Variants in ST6GALNAC1 observed in about 807,000 individuals in gnomAD.
ST6GALNAC1 encodes the protein ST6 N-acetylgalactosaminide alpha-2,6-sialyltransferase 1.
ST6GALNAC1 carries 45 observed loss-of-function variants against 56.8 expected under a neutral mutation model. The observed-to-expected ratio is 0.79, with a 90% confidence interval of 0.62 to 1.02. The LOEUF is 1.02. ST6GALNAC1 is among the 50% of genes least tolerant of loss of function. The pLI is 0.00. For missense variants in ST6GALNAC1, 743 were observed against 754.8 expected (o/e 0.98, Z 0.18); for synonymous variants, 295 against 297.8 (o/e 0.99, Z 0.10).
At chr17:76,622,374 TTATTA>T, downstream of ST6GALNAC1, among the ~76,000 whole-genome samples, 1 of 152,000 alleles carries the variant, frequency 6.6e-6, no homozygotes, top group Non-Finnish European at 1.5e-5. Flanking sequence ...ATTATTATTA[TTATTA>T]TTTTGAGACA....
chr17:76,629,799 T>C, intron 1 of ST6GALNAC1, 88 bp from the exon 2 acceptor site: 1 of 1,052,002 alleles, frequency 9.5e-7, no homozygotes, highest in South Asian at 1.6e-5. Context: ...TTTTTTTTTT[T>C]TGAGACACAG....
chr17:76,625,256 C>T lies in ST6GALNAC1; in HGVS notation c.*74G>A. The T allele has an allele frequency of 6.6e-7, 1 of 1,513,848 alleles. No individual in the cohort carries two copies. Among genetic ancestry groups the T allele is most frequent in the Non-Finnish European group, 9.0e-7 (1 of 1,113,058 alleles). The allele number at this position is 1,513,848 out of a possible 1,614,324, so 93.8% of individuals were successfully genotyped here. A position where few individuals can be genotyped will look rare whatever the true frequency, so the allele number is the denominator to read the frequency against. On this transcript the variant is annotated 3_prime_UTR_variant, in exon 9 of 9. Transcript: ENST00000156626. Reference sequence around the variant, plus strand: ...CTTAGTCTGAGCCATGGGAAATGGCCAAAGAGTCTCAAGATTCCCACTGTA... The same window carrying T: ...CTTAGTCTGAGCCATGGGAAATGGCTAAAGAGTCTCAAGATTCCCACTGTA...
chr17:76,637,588 A>G (rs754233132), intron 1 of ST6GALNAC1: 1 of 398,404 alleles, frequency 2.5e-6, no homozygotes. Context: ...AAACCCAAAA[A>G]AAGTCTCTCA....
intron 1 of ST6GALNAC1, among the ~76,000 whole-genome samples, chr17:76,639,285 A>G (rs1396706994): frequency 6.6e-6 from 1 of 152,166 alleles, no homozygotes; most frequent in Non-Finnish European, 1.5e-5. Context: ...CAGACAAATA[A>G]GACAATGCCG....
downstream of ST6GALNAC1, among the ~76,000 whole-genome samples, chr17:76,624,603 A>G (rs1158182664): frequency 6.6e-6 from 1 of 152,162 alleles, no homozygotes; most frequent in African/African-American, 2.4e-5. Context: ...AATCCTGCAG[A>G]TAGAGCTCAA....
rs1456260489 is a variant in ST6GALNAC1 at position 76,629,618 on chromosome 17, G to A, written c.225C>T (p.Ile75=). The A allele has an allele frequency of 6.2e-7, 1 of 1,613,692 alleles. No homozygotes were observed. Among genetic ancestry groups the A allele is most frequent in the Non-Finnish European group, 8.5e-7 (1 of 1,179,738 alleles). Residue 75 remains isoleucine (I), a synonymous_variant, in exon 2 of 9, where the codon ATC becomes ATT. Transcript: ENST00000156626. ...TGTTCTCTGGCACTGGCTCTGCATAGATGGTTGTCCTCCTTGCCCTTGTGG... is the reference window on the plus strand; with the variant it reads ...TGTTCTCTGGCACTGGCTCTGCATAAATGGTTGTCCTCCTTGCCCTTGTGG... The part of the protein sequence containing the change: ...QAPTRARRTT[I]YAEPVPENNA...
chr17:76,626,531 G>A, intron 5 of ST6GALNAC1, 120 bp downstream of exon 5: 1 of 1,525,112 alleles, frequency 6.6e-7, no homozygotes, highest in Admixed American at 1.7e-5. Flanking sequence ...GCCCTTATAG[G>A]AGGGGAGCCT....
At chr17:76,633,096 C>T (rs1239457370) in intron 1 of ST6GALNAC1, among the ~76,000 whole-genome samples, 1 of 152,098 alleles carries the variant, frequency 6.6e-6, no homozygotes, top group African/African-American at 2.4e-5. Context: ...GTAATCCCAG[C>T]TATTCCGGAG....
intron 1 of ST6GALNAC1, among the ~76,000 whole-genome samples, chr17:76,632,564 T>C (rs1456654052): frequency 6.6e-6 from 1 of 152,220 alleles, no homozygotes; most frequent in African/African-American, 2.4e-5. Flanking sequence ...ATCCAGGTAG[T>C]GACAAAATTA....
rs549156744 is a variant in ST6GALNAC1, at chr17:76,630,659, C to T, written c.132-948G>A. The stretch of plus-strand genomic sequence containing the variant: ...GGAGTGCAGTGGCGCGATCTTGGCT[C>T]ACTGCACCCTCCATCTCCCTGGTTC... On this transcript the variant is annotated intron_variant, in intron 1 of 8. Transcript: ENST00000156626. Among the ~76,000 whole-genome samples the T allele has an allele frequency of 1.3e-4, 19 of 150,336 alleles. 1 individual carries two copies. In the South Asian group the frequency reaches 3.8e-3, roughly 30 times the overall value.
intron 1 of ST6GALNAC1, among the ~76,000 whole-genome samples, chr17:76,640,908 A>G (rs1437021607): frequency 6.6e-6 from 1 of 152,208 alleles, no homozygotes; most frequent in African/African-American, 2.4e-5. Context: ...GTAAGCAAAA[A>G]CTCAGATGTA....
Position 76,629,454 on chromosome 17 carries a change from T to G in ST6GALNAC1, c.389A>C (p.Glu130Ala). ...TGACAGTGTGTTCACCATGGTTTTCTCTTTTTCTGGGCTCTTCCATGCTGC... is the reference window on the plus strand; with the variant it reads ...TGACAGTGTGTTCACCATGGTTTTCGCTTTTTCTGGGCTCTTCCATGCTGC... ...QRAAWKSPEK[E>A]KTMVNTLSPR... The change falls in exon 2 of 9, where the codon GAG becomes GCG. Residue 130 changes from glutamate to alanine, a missense_variant. Transcript: ENST00000156626. 1 of 1,614,162 alleles carries G rather than the reference T, an allele frequency of 6.2e-7. No individual in the cohort carries two copies. Among genetic ancestry groups the G allele is most frequent in the African/African-American group, 1.3e-5 (1 of 75,036 alleles).
chr17:76,627,058 A>G lies in ST6GALNAC1; in HGVS notation c.1172+9T>C. 6.5e-7 allele frequency: 1 copy of G among 1,538,762 alleles called. No individual in the cohort carries two copies. Among genetic ancestry groups the G allele is most frequent in the Non-Finnish European group, 8.7e-7 (1 of 1,143,538 alleles). On this transcript the variant is annotated intron_variant, in intron 4 of 8. Transcript: ENST00000156626. This position sits in a 1 kb window ranked among gnomAD's most constrained non-coding sequence, Gnocchi z 4.4. ...GGCTGGAGAGGGAGCTTGGGTGGGG[A>G]CAGCTTACCGGAACACGTAGTCGTG...
chr17:76,635,568 T>C (rs116723896), intron 1 of ST6GALNAC1, among the ~76,000 whole-genome samples: 9,477 of 152,110 alleles, frequency 0.062, 622 homozygotes, highest in African/African-American at 0.16. Flanking sequence ...GCCTGCGAGG[T>C]GGAGGTTGCA....
the ST6GALNAC1 span, among the ~76,000 whole-genome samples, chr17:76,617,746 G>C: frequency 7.3e-5 from 11 of 151,404 alleles, no homozygotes; most frequent in African/African-American, 2.4e-4. Flanking sequence ...ACTCCAGCCT[G>C]GGCAACAGAG....
At chr17:76,623,951 T>C (rs954489255), downstream of ST6GALNAC1, among the ~76,000 whole-genome samples, 2 of 152,250 alleles carry the variant, frequency 1.3e-5, no homozygotes, top group African/African-American at 4.8e-5. Flanking sequence ...GTCCACCCTG[T>C]CAAAGTCGTT....
Position 76,629,273 on chromosome 17 carries a change from G to C in ST6GALNAC1, c.570C>G (p.Thr190=), listed in dbSNP as rs766457907. The change falls in exon 2 of 9, where the codon ACC becomes ACG. Residue 190 remains threonine, a synonymous_variant. Transcript: ENST00000156626. ...TTTTGGGAATGAGCGTCTTGGCTGT[G>C]GTTGCCGCTTTGCCCTGGTGCTTCT... ...VSEKHQGKAA[T]TAKTLIPKSQ... The C allele has an allele frequency of 1.4e-5, 23 of 1,614,050 alleles. No individual in the cohort carries two copies. Among genetic ancestry groups the C allele is most frequent in the Non-Finnish European group, 1.9e-5 (23 of 1,180,038 alleles).
chr17:76,637,605 A>C (rs1455614689), intron 1 of ST6GALNAC1: 4 of 398,638 alleles, frequency 1.0e-5, no homozygotes, highest in Non-Finnish European at 8.8e-6. Context: ...CTCACACATA[A>C]GCCAGGTGGA....
chr17:76,638,466 T>C (rs2076005418), intron 1 of ST6GALNAC1, among the ~76,000 whole-genome samples: 1 of 152,056 alleles, frequency 6.6e-6, no homozygotes, highest in Non-Finnish European at 1.5e-5. Context: ...AACCTCTGCC[T>C]CCCGAGTTCA....
Sources: allele counts gnomAD v4.1 joint callset (sites outside exome capture counted in the v4.1 genomes callset), GRCh38; gene constraint gnomAD v4.1.1; non-coding constraint Gnocchi (gnomAD v3.1); transcripts MANE v1.5; gene names NCBI Gene and HGNC (gene_info 2026-07-23, HGNC 2026-07-21).